The following PTPRN variants were observed in gnomAD, a reference collection of about 807,000 sequenced individuals.
PTPRN encodes protein tyrosine phosphatase receptor type N, also known as receptor-type tyrosine-protein phosphatase-like N.
A neutral mutation model predicts 108.5 loss-of-function variants in PTPRN; 70 were observed. That is an observed-to-expected ratio of 0.65 (90% CI 0.53 to 0.79). PTPRN has a LOEUF of 0.79. Among genes scored for constraint, PTPRN ranks in the 30% least tolerant of loss-of-function variants. The pLI is 0.00. For synonymous variants in PTPRN, 496 were observed against 524.6 expected (o/e 0.95, Z 0.75); for missense variants, 1,136 against 1,295.5 (o/e 0.88, Z 1.89).
In PTPRN at chr2:219,290,897, C is replaced by G; in HGVS notation, c.2730-7G>C. 1 of 1,613,634 alleles carries G rather than the reference C, an allele frequency of 6.2e-7. No individual in the cohort carries two copies. The highest frequency in any genetic ancestry group is 8.5e-7 in the Non-Finnish European group (1 of 1,179,644). ...GGTCCTCCCCGCACCATCACTGAAACAGGAGTTAGTGACAGGTTTAGCTTG... is the reference window on the plus strand; with the variant it reads ...GGTCCTCCCCGCACCATCACTGAAAGAGGAGTTAGTGACAGGTTTAGCTTG... On this transcript the variant is annotated splice_region_variant and splice_polypyrimidine_tract_variant and intron_variant, in intron 20 of 22. Coordinates refer to ENST00000295718, the MANE Select transcript of PTPRN (RefSeq NM_002846.4). This position sits in a 1 kb window ranked among gnomAD's most constrained non-coding sequence, Gnocchi z 4.2.
In PTPRN at chr2:219,289,874, G is replaced by A. The variant is rs1952014592; in HGVS notation, c.*352C>T. The A allele has an allele frequency of 4.0e-6, 1 of 250,338 alleles. No homozygotes were observed. The highest frequency in any genetic ancestry group is 4.9e-5 in the Admixed American group (1 of 20,418). The allele number at this position is 250,338 out of a possible 1,614,324, so 15.5% of individuals were successfully genotyped here. A position where few individuals can be genotyped will look rare whatever the true frequency, so the allele number is the denominator to read the frequency against. On this transcript the variant is annotated 3_prime_UTR_variant, in exon 23 of 23. Transcript: ENST00000295718. ...CCATTCTTCCATACTGGAGCATAGG[G>A]GGACACACACAGATGTTCAGGGAAC...
At chr2:219,298,241 C>T in intron 12 of PTPRN, 138 bp from the exon 13 acceptor site, 2 of 784,718 alleles carry the variant, frequency 2.5e-6, no homozygotes, top group Non-Finnish European at 4.1e-6. Flanking sequence ...TATGGTGGTA[C>T]AGCCAGATGG....
intron 20 of PTPRN, 105 bp downstream of exon 20, chr2:219,291,365 G>T: frequency 7.9e-7 from 1 of 1,261,662 alleles, no homozygotes; most frequent in Non-Finnish European, 1.2e-6. Flanking sequence ...TGCTGGATTT[G>T]GACTATGCCT....
chr2:219,305,857 C>G (rs1005522659), intron 3 of PTPRN, among the ~76,000 whole-genome samples: 7 of 152,044 alleles, frequency 4.6e-5, no homozygotes, highest in African/African-American at 1.4e-4. Flanking sequence ...TAAATAAAAC[C>G]TTTGACTCCT....
intron 19 of PTPRN, among the ~76,000 whole-genome samples, chr2:219,294,367 G>A (rs1174490180): frequency 6.6e-6 from 1 of 151,682 alleles, no homozygotes; most frequent in Non-Finnish European, 1.5e-5. Context: ...AGAGAAGCGC[G>A]GAGAGGGAGA....
intron 11 of PTPRN, 39 bp downstream of exon 11, chr2:219,299,266 T>C (rs1952280470): frequency 6.2e-7 from 1 of 1,609,674 alleles, no homozygotes; most frequent in Admixed American, 1.7e-5. Flanking sequence ...GGAGTGGGGC[T>C]GGGGCCAAGC....
intron 3 of PTPRN, among the ~76,000 whole-genome samples, chr2:219,306,144 C>G (rs1014168278): frequency 3.3e-5 from 5 of 152,164 alleles, no homozygotes; most frequent in Non-Finnish European, 5.9e-5. Flanking sequence ...CAGCAAGACT[C>G]TGTCTCAAAC....
At chr2:219,304,839 C>G (rs569457220) in intron 3 of PTPRN, among the ~76,000 whole-genome samples, 1 of 152,302 alleles carries the variant, frequency 6.6e-6, no homozygotes, top group South Asian at 2.1e-4. Context: ...TTTCTTCCAT[C>G]TTAAGAAAAA....
chr2:219,308,049 T>G (rs1297575851), intron 1 of PTPRN: 5 of 589,912 alleles, frequency 8.5e-6, no homozygotes, highest in African/African-American at 1.9e-5. Context: ...TTTGTGAGTC[T>G]GTATCCTTAA....
In PTPRN at chr2:219,290,257, A is replaced by G. The variant is rs201261677; in HGVS notation, c.2909T>C (p.Val970Ala). Residue 970 changes from valine (V) to alanine (A), a missense_variant, in exon 23 of 23, where the codon GTG becomes GCG. By Grantham distance (64) the Val-to-Ala change is moderately conservative. Transcript: ENST00000295718. The surrounding 1 kb of genome is among the most constrained non-coding windows in gnomAD (Gnocchi z 4.2). ...GGGCAGGGCCTTGAGGATGGCATTC[A>G]CTTCCTCCGCCACGGCTGTCAGGGC... is the stretch of plus-strand genomic sequence containing the variant. The part of the protein sequence containing the change: ...EFALTAVAEE[V>A]NAILKALPQ 1 of 1,613,868 alleles carries G rather than the reference A, an allele frequency of 6.2e-7. No homozygotes were observed. The highest frequency in any genetic ancestry group is 8.5e-7 in the Non-Finnish European group (1 of 1,179,904).
At chr2:219,294,888 G>A (rs1249033139) in intron 19 of PTPRN, 87 bp downstream of exon 19, 2 of 1,315,016 alleles carry the variant, frequency 1.5e-6, no homozygotes, top group Middle Eastern at 2.8e-4. Flanking sequence ...CTCCAGGCCC[G>A]ACCCGGGGCT....
chr2:219,300,556 G>T, intron 8 of PTPRN: 1 of 466,228 alleles, frequency 2.1e-6, no homozygotes, highest in South Asian at 4.6e-5. Context: ...CAAACAGGCA[G>T]GCGATGGTTT....
chr2:219,301,847 G>A (rs1026270978), intron 6 of PTPRN, 128 bp from the exon 7 acceptor site: 6 of 1,226,544 alleles, frequency 4.9e-6, no homozygotes, highest in Non-Finnish European at 6.6e-6. Context: ...GACACCAAGA[G>A]ATGCCCTCCC....
chr2:219,295,243 G>T, intron 18 of PTPRN, 102 bp from the exon 19 acceptor site: 1 of 1,300,234 alleles, frequency 7.7e-7, no homozygotes, highest in Non-Finnish European at 1.1e-6. Context: ...CCACCGCCCG[G>T]CCTCCCAGGC....
rs1952330073 is a variant in PTPRN, at chr2:219,300,939, T to C, written c.1161+4A>G. On this transcript the variant is annotated splice_donor_region_variant and intron_variant, in intron 8 of 22. Transcript: ENST00000295718. The stretch of plus-strand genomic sequence containing the variant: ...TATGAGTCAAGGAGGTGCTGGGGAC[T>C]CACTTTCTTGATATCAGCTCCAACA... 6.2e-7 allele frequency: 1 copy of C among 1,613,918 alleles called. No homozygotes were observed. Among genetic ancestry groups the C allele is most frequent in the African/African-American group, 1.3e-5 (1 of 74,898 alleles).
chr2:219,307,843 C>A lies in PTPRN; in HGVS notation c.116-1G>T. On this transcript the variant is annotated splice_acceptor_variant, in intron 1 of 22. Coordinates refer to ENST00000295718, the MANE Select transcript of PTPRN (RefSeq NM_002846.4). LOFTEE classifies it high-confidence loss of function. ...CAGAGCCTGCGGTCAAATAGACAGC[C>A]TGTAGAGGAAAAGGTGAGCAGAGGC... The A allele has an allele frequency of 6.2e-7, 1 of 1,614,082 alleles. No homozygotes were observed.
At position 219,309,165 on chromosome 2, in the gene PTPRN, C is replaced by T. The variant is rs1047318365; in HGVS notation, c.115+53G>A. ...CACCCCCACCGAGTTTCGCTCCAGG[C>T]CCCAAGCTGCTCCCCGCCCCCCACC... On this transcript the variant is annotated intron_variant, in intron 1 of 22. Transcript: ENST00000295718. 2.1e-6 allele frequency: 3 copies of T among 1,448,492 alleles called. No individual in the cohort carries two copies. The Admixed American group carries it at 6.1e-5, about 29-fold the overall frequency. 89.7% of individuals were successfully genotyped at this position (1,448,492 alleles called of 1,614,324 possible).
At chr2:219,304,109 T>C (rs960873870) in intron 3 of PTPRN, 6 of 281,294 alleles carry the variant, frequency 2.1e-5, no homozygotes, top group Non-Finnish European at 4.0e-5. Flanking sequence ...CCCTCATCAA[T>C]AAAATGGGGA....
At chr2:219,304,201 G>A (rs935290919) in intron 3 of PTPRN, 6 of 158,018 alleles carry the variant, frequency 3.8e-5, no homozygotes, top group Admixed American at 1.2e-4. Flanking sequence ...GTCATGTAGT[G>A]AACTTTTAAC....
Sources: gnomAD v4.1 joint callset for allele counts (sites outside exome capture counted in the v4.1 genomes callset) on GRCh38, gnomAD v4.1.1 for gene constraint, Gnocchi (gnomAD v3.1) non-coding constraint, MANE v1.5 for transcripts, NCBI Gene and HGNC (gene_info 2026-07-23, HGNC 2026-07-21) for gene names.